The following SYK variants were observed in gnomAD, a reference collection of about 807,000 sequenced individuals.
SYK encodes tyrosine-protein kinase SYK.
A neutral mutation model predicts 77.8 loss-of-function variants in SYK; 16 were observed. The ratio of observed to expected loss-of-function variants is 0.21; its 90% CI spans 0.14 to 0.31. The LOEUF is 0.31. SYK is among the 10% of genes least tolerant of loss of function. SYK has a pLI of 1.00. For synonymous variants in SYK, 312 were observed against 308.7 expected (o/e 1.01, Z -0.11); for missense variants, 529 against 814.4 (o/e 0.65, Z 4.26).
At chr9:90,836,733 G>T (rs561745923) in intron 1 of SYK, among the ~76,000 whole-genome samples, 8 of 152,096 alleles carry the variant, frequency 5.3e-5, no homozygotes, top group Non-Finnish European at 5.9e-5. Flanking sequence ...GTGCAATACC[G>T]TACAACCTGA....
chr9:90,845,354 G>C, intron 2 of SYK, 80 bp from the exon 3 acceptor site: 1 of 1,475,550 alleles, frequency 6.8e-7, no homozygotes, highest in Non-Finnish European at 9.2e-7. Context: ...GCCAGGACTC[G>C]AGATAGATTG....
chr9:90,834,046 A>G (rs1415176521), intron 1 of SYK, among the ~76,000 whole-genome samples: 1 of 152,204 alleles, frequency 6.6e-6, no homozygotes, highest in East Asian at 1.9e-4. Context: ...CTCATGGTGT[A>G]TCACGTGCAA....
intron 5 of SYK, 143 bp downstream of exon 5, chr9:90,864,810 T>C: frequency 1.3e-6 from 1 of 763,792 alleles, no homozygotes; most frequent in Non-Finnish European, 2.2e-6. Flanking sequence ...AGCACTCCGA[T>C]TTTGTATATC....
At chr9:90,864,290 T>C (rs938492010) in intron 4 of SYK, among the ~76,000 whole-genome samples, 5 of 152,180 alleles carry the variant, frequency 3.3e-5, no homozygotes, top group African/African-American at 4.8e-5. Context: ...AAGGTGTTGT[T>C]TTGGATAAAT....
At position 90,845,525 on chromosome 9, in the gene SYK, A is replaced by G. The variant is rs1379742497; in HGVS notation, c.509A>G (p.His170Arg). The G allele has an allele frequency of 1.2e-6, 2 of 1,614,114 alleles. No individual in the cohort carries two copies. The highest frequency in any genetic ancestry group is 1.7e-6 in the Non-Finnish European group (2 of 1,180,044). The change falls in exon 3 of 14, where the codon CAT (histidine) becomes CGT (arginine). Residue 170 changes from histidine (H) to arginine (R), a missense_variant. Physicochemically the swap from His to Arg is conservative, Grantham distance 29. Transcript: ENST00000375754. ...TTAHEKMPWFHGKISREESEQ... is the reference protein window; with the variant it reads ...TTAHEKMPWFRGKISREESEQ... Reference sequence around the variant, plus strand: ...GCCCATGAAAAAATGCCTTGGTTCCATGGAAAAATCTCTCGGGAAGAATCT... The same window carrying G: ...GCCCATGAAAAAATGCCTTGGTTCCGTGGAAAAATCTCTCGGGAAGAATCT...
chr9:90,811,770 A>AAAG (rs1364394916), intron 1 of SYK, among the ~76,000 whole-genome samples: 1 of 151,036 alleles, frequency 6.6e-6, no homozygotes, highest in Admixed American at 6.6e-5. Flanking sequence ...ATACCAAAAA[A>AAAG]AAAAACTAGC....
At chr9:90,840,202 G>A (rs1388283522) in intron 1 of SYK, among the ~76,000 whole-genome samples, 1 of 152,200 alleles carries the variant, frequency 6.6e-6, no homozygotes, top group East Asian at 1.9e-4. Flanking sequence ...AGGGAAGGCA[G>A]AGAAGATGGA....
chr9:90,831,199 A>G (rs1293301030), intron 1 of SYK, among the ~76,000 whole-genome samples: 3 of 152,218 alleles, frequency 2.0e-5, no homozygotes, highest in Middle Eastern at 3.4e-3. Flanking sequence ...AAAGTGAGAC[A>G]CCTTCAATCG....
intron 1 of SYK, among the ~76,000 whole-genome samples, chr9:90,842,576 G>A (rs982526682): frequency 3.3e-5 from 5 of 151,326 alleles, no homozygotes; most frequent in Non-Finnish European, 5.9e-5. Context: ...TGTGTAGCAT[G>A]TATGTAGTGT....
chr9:90,890,477 G>A lies in SYK; in HGVS notation c.1835+1850G>A, dbSNP rs148574269. Among the ~76,000 whole-genome samples the A allele has an allele frequency of 3.3e-3, 505 of 152,308 alleles. 4 individuals are homozygous for A. Among genetic ancestry groups the A allele is most frequent in the African/African-American group, 0.011 (475 of 41,562 alleles). On this transcript the variant is annotated intron_variant, in intron 13 of 13. Transcript: ENST00000375754. ...CCTTAAGAGAGTATTCTTTCTAAACGTATTTTCCCGCCTGGAGATTTAAGA... is the reference window on the plus strand; with the variant it reads ...CCTTAAGAGAGTATTCTTTCTAAACATATTTTCCCGCCTGGAGATTTAAGA...
intron 1 of SYK, among the ~76,000 whole-genome samples, chr9:90,839,546 G>A (rs1028356851): frequency 2.0e-5 from 3 of 152,108 alleles, no homozygotes; most frequent in African/African-American, 7.2e-5. Flanking sequence ...ACTTCAATAT[G>A]GGATTCATGC....
At chr9:90,817,818 A>C (rs1825342434) in intron 1 of SYK, among the ~76,000 whole-genome samples, 1 of 148,120 alleles carries the variant, frequency 6.8e-6, no homozygotes, top group Non-Finnish European at 1.5e-5. Context: ...CCAGTTTACC[A>C]GAATATTTCC....
At chr9:90,871,821 G>T (rs953075058) in intron 7 of SYK, among the ~76,000 whole-genome samples, 3 of 152,218 alleles carry the variant, frequency 2.0e-5, no homozygotes, top group African/African-American at 7.2e-5. Context: ...AGGGTTCTTT[G>T]TGGCTTGGCT....
chr9:90,829,587 G>C (rs1039969149), intron 1 of SYK, among the ~76,000 whole-genome samples: 2 of 152,164 alleles, frequency 1.3e-5, no homozygotes. Flanking sequence ...TGGAACTCTC[G>C]GACCAGATCC....
chr9:90,890,119 G>A (rs1489215811), intron 13 of SYK, among the ~76,000 whole-genome samples: 4 of 152,224 alleles, frequency 2.6e-5, no homozygotes, highest in Admixed American at 1.3e-4. Flanking sequence ...TACTTCTGTC[G>A]ATTCTTCTTT....
intron 4 of SYK, among the ~76,000 whole-genome samples, chr9:90,862,906 C>T (rs190337316): frequency 6.6e-6 from 1 of 152,208 alleles, no homozygotes; most frequent in East Asian, 1.9e-4. Context: ...TAAATCGAGT[C>T]TCTCTCTGTG....
chr9:90,893,895 G>T (rs891998117), intron 13 of SYK, among the ~76,000 whole-genome samples: 5 of 152,168 alleles, frequency 3.3e-5, no homozygotes, highest in Non-Finnish European at 7.4e-5. Flanking sequence ...AGAGTGGCAG[G>T]CCAGGGCAGG....
chr9:90,879,062 A>G (rs1828050707), intron 11 of SYK, 109 bp downstream of exon 11: 1 of 767,070 alleles, frequency 1.3e-6, no homozygotes, highest in Non-Finnish European at 2.1e-6. Context: ...CAGTTTTGCT[A>G]CTGAAAAATA....
At chr9:90,866,244 C>T (rs1443841443) in intron 6 of SYK, among the ~76,000 whole-genome samples, 2 of 152,174 alleles carry the variant, frequency 1.3e-5, no homozygotes, top group East Asian at 3.9e-4. Context: ...GAAGTGCGCC[C>T]TCTGCACCTC....
Sources: gnomAD v4.1 joint callset for allele counts (sites outside exome capture counted in the v4.1 genomes callset) on GRCh38, gnomAD v4.1.1 for gene constraint, MANE v1.5 for transcripts, NCBI Gene and HGNC (gene_info 2026-07-23, HGNC 2026-07-21) for gene names.